The following GAREM1 variants were observed in gnomAD, a reference collection of about 807,000 sequenced individuals.
GAREM1 encodes the protein GRB2-associated and regulator of MAPK protein 1.
GAREM1 carries 26 observed loss-of-function variants against 71.3 expected under a neutral mutation model. The observed-to-expected ratio is 0.36, with a 90% CI of 0.27 to 0.51. GAREM1 has a LOEUF of 0.51. GAREM1 is among the 20% of genes least tolerant of loss of function. The pLI is 0.95. For missense variants in GAREM1, 1,026 were observed against 1,103.1 expected (o/e 0.93, Z 0.99); for synonymous variants, 440 against 433.2 (o/e 1.02, Z -0.20).
intron 2 of GAREM1, among the ~76,000 whole-genome samples, chr18:32,361,070 G>A (rs144165307): frequency 3.9e-4 from 60 of 152,282 alleles, no homozygotes; most frequent in Non-Finnish European, 5.7e-4. Context: ...ATTTTGCCAT[G>A]CAACCACATG....
chr18:32,449,662 C>CA (rs1337898869), intron 1 of GAREM1, among the ~76,000 whole-genome samples: 8 of 152,026 alleles, frequency 5.3e-5, no homozygotes, highest in Middle Eastern at 3.4e-3. Context: ...GAGACTGTCT[C>CA]AAAAAAACAA....
chr18:32,469,675 TA>T (rs906606069), intron 1 of GAREM1, among the ~76,000 whole-genome samples: 1 of 152,168 alleles, frequency 6.6e-6, no homozygotes, highest in African/African-American at 2.4e-5. Flanking sequence ...TTTGGAGACT[TA>T]TTTTTTTTTC....
chr18:32,392,701 T>G (rs1313707618), intron 2 of GAREM1, among the ~76,000 whole-genome samples, 194 bp downstream of exon 2: 2 of 152,200 alleles, frequency 1.3e-5, no homozygotes, highest in African/African-American at 4.8e-5. Flanking sequence ...GAATCCTCAT[T>G]TAACTACATG....
intron 2 of GAREM1, among the ~76,000 whole-genome samples, chr18:32,364,016 ATATATATATATGTTTTTTTTTTT>A (rs2047899250): frequency 1.2e-4 from 6 of 49,098 alleles, no homozygotes; most frequent in African/African-American, 7.4e-4. Context: ...ATATATATAT[ATATATATATATGTTTTTTTTTTT>A]TTTTTTTTTT....
intron 1 of GAREM1, among the ~76,000 whole-genome samples, chr18:32,443,112 T>G (rs1054412539): frequency 1.3e-5 from 2 of 152,044 alleles, no homozygotes; most frequent in Non-Finnish European, 2.9e-5. Context: ...CAGATAACTC[T>G]CATTAAAAAA....
intron 1 of GAREM1, among the ~76,000 whole-genome samples, chr18:32,463,894 T>G (rs2048975058): frequency 1.3e-5 from 2 of 150,784 alleles, no homozygotes; most frequent in Non-Finnish European, 3.0e-5. Flanking sequence ...GTGTATAACA[T>G]TATACTAGGC....
chr18:32,297,394 A>G (rs1010614366), intron 3 of GAREM1, among the ~76,000 whole-genome samples: 1 of 152,238 alleles, frequency 6.6e-6, no homozygotes, highest in African/African-American at 2.4e-5. Context: ...ACGTATGTAA[A>G]CAAATGCTCA....
At chr18:32,462,689 T>A (rs1414216147) in intron 1 of GAREM1, among the ~76,000 whole-genome samples, 3 of 152,242 alleles carry the variant, frequency 2.0e-5, no homozygotes, top group Admixed American at 1.3e-4. Context: ...TCGCCTAGTC[T>A]AATGTCATAA....
At chr18:32,313,452 T>G in intron 2 of GAREM1, among the ~76,000 whole-genome samples, 1 of 152,164 alleles carries the variant, frequency 6.6e-6, no homozygotes, top group Non-Finnish European at 1.5e-5. Flanking sequence ...GGAGGGACCA[T>G]GTCTGCTAAA....
At chr18:32,300,520 C>G (rs2047188344) in intron 3 of GAREM1, among the ~76,000 whole-genome samples, 1 of 152,180 alleles carries the variant, frequency 6.6e-6, no homozygotes, top group Non-Finnish European at 1.5e-5. Context: ...GAAGACAAAA[C>G]ATGACCAGGA....
chr18:32,312,391 G>T (rs1180874429), intron 2 of GAREM1, among the ~76,000 whole-genome samples: 1 of 152,100 alleles, frequency 6.6e-6, no homozygotes, highest in Non-Finnish European at 1.5e-5. Flanking sequence ...CTCATGAATG[G>T]TGAGTGGGTG....
At chr18:32,383,805 C>T (rs1864850466) in intron 2 of GAREM1, among the ~76,000 whole-genome samples, 1 of 152,038 alleles carries the variant, frequency 6.6e-6, no homozygotes, top group South Asian at 2.1e-4. Context: ...CTGTTTTGTG[C>T]TACAATTTTT....
At chr18:32,330,404 G>C (rs2047520221) in intron 2 of GAREM1, among the ~76,000 whole-genome samples, 1 of 152,062 alleles carries the variant, frequency 6.6e-6, no homozygotes, top group Admixed American at 6.6e-5. Flanking sequence ...TTGGGTACTA[G>C]GCTCACTTAC....
intron 3 of GAREM1, among the ~76,000 whole-genome samples, chr18:32,300,905 TCA>T (rs2047194310): frequency 2.2e-5 from 1 of 46,156 alleles, no homozygotes; most frequent in African/African-American, 1.5e-4. Context: ...AAACTCCGTC[TCA>T]AAAAAAAAAA....
chr18:32,286,321 A>AGTGT (rs140225815), intron 4 of GAREM1, among the ~76,000 whole-genome samples: 9,665 of 143,156 alleles, frequency 0.068, 495 homozygotes, highest in African/African-American at 0.14. Context: ...CTGGTTCTGG[A>AGTGT]GTGTGTGTGT....
At position 32,470,530 on chromosome 18, in the gene GAREM1, G is replaced by A; in HGVS notation, c.-102C>T. The A allele has an allele frequency of 1.2e-6, 1 of 861,490 alleles. No individual in the cohort carries two copies. The highest frequency in any genetic ancestry group is 5.2e-5 in the South Asian group (1 of 19,338). The allele number at this position is 861,490 out of a possible 1,614,324, so 53.4% of individuals were successfully genotyped here. ...TCGCGCTCGCGGTCTGGGGCGCGCG[G>A]GAGGCGCCGGGCAGCTCCGGCCGCG... On this transcript the variant is annotated 5_prime_UTR_variant, in exon 1 of 6. Coordinates refer to ENST00000269209, the MANE Select transcript of GAREM1 (RefSeq NM_001242409.2). The surrounding 1 kb of genome is among the most constrained non-coding windows in gnomAD (Gnocchi z 4.4).
At chr18:32,361,453 A>C (rs1285693532) in intron 2 of GAREM1, among the ~76,000 whole-genome samples, 1 of 152,248 alleles carries the variant, frequency 6.6e-6, no homozygotes, top group African/African-American at 2.4e-5. Context: ...AATGAAATTA[A>C]GAATATATTA....
At position 32,310,319 on chromosome 18, in the gene GAREM1, T is replaced by C. The variant is rs781492942; in HGVS notation, c.267A>G (p.Gln89=). 5 of 1,614,100 alleles carry C rather than the reference T, an allele frequency of 3.1e-6. No homozygotes were observed. The highest frequency in any genetic ancestry group is 1.3e-5 in the African/African-American group (1 of 75,032). Residue 89 remains glutamine (Q), a synonymous_variant, in exon 3 of 6, where the codon CAA becomes CAG. Coordinates refer to ENST00000269209, the MANE Select transcript of GAREM1 (RefSeq NM_001242409.2). ...CTCGGTCTTGTTCCAGCAGCTTGAA[T>C]TGCCCTAAAACACAGGATAAACAGA... ...KIEIPVHYAG[Q]FKLLEQDRDI...
intron 2 of GAREM1, among the ~76,000 whole-genome samples, chr18:32,352,870 G>A (rs1274412250): frequency 6.6e-6 from 1 of 152,186 alleles, no homozygotes; most frequent in East Asian, 1.9e-4. Context: ...GTGGCCATGG[G>A]ACAGAGGAGT....
Sources: gnomAD v4.1 joint callset for allele counts (sites outside exome capture counted in the v4.1 genomes callset) on GRCh38, gnomAD v4.1.1 for gene constraint, Gnocchi (gnomAD v3.1) non-coding constraint, MANE v1.5 for transcripts, NCBI Gene and HGNC (gene_info 2026-07-23, HGNC 2026-07-21) for gene names.